Variants in FGD5 observed in about 807,000 individuals in gnomAD.
FGD5 encodes FYVE, RhoGEF and PH domain-containing protein 5.
A neutral mutation model predicts 133.4 loss-of-function variants in FGD5; 28 were observed. The ratio of observed to expected loss-of-function variants is 0.21; its 90% CI spans 0.16 to 0.29. The LOEUF (loss-of-function observed/expected upper bound fraction) is 0.29, where lower values mean the gene tolerates loss of function less well. Ranked by LOEUF, FGD5 falls within the 10% of genes least tolerant of loss-of-function variation. The pLI is 1.00. For synonymous variants in FGD5, 810 were observed against 776.5 expected, an observed-to-expected ratio of 1.04 and a Z score of -0.72; for missense variants, 1,858 against 1,895.2, an observed-to-expected ratio of 0.98 and a Z score of 0.36.
chr3:14,847,785 T>C (rs1623717), intron 1 of FGD5, among the ~76,000 whole-genome samples: 151,076 of 152,358 alleles, frequency 0.99, 74,903 homozygotes, highest in East Asian at 1. Flanking sequence ...CAGTGTGTCA[T>C]GGTCAGCAGA....
intron 1 of FGD5, among the ~76,000 whole-genome samples, chr3:14,863,322 C>T (rs2037436097): frequency 6.6e-6 from 1 of 152,194 alleles, no homozygotes; most frequent in Non-Finnish European, 1.5e-5. Flanking sequence ...AATCAGTCTG[C>T]TGTGTAGAGA....
intron 13 of FGD5, 127 bp from the exon 14 acceptor site, chr3:14,921,791 G>A: frequency 1.3e-6 from 1 of 799,540 alleles, no homozygotes; most frequent in Admixed American, 2.1e-5. Flanking sequence ...CTTCTTTGCT[G>A]GTGGTTCTGG....
intron 1 of FGD5, among the ~76,000 whole-genome samples, chr3:14,823,663 G>A (rs963665399): frequency 6.6e-6 from 1 of 152,196 alleles, no homozygotes; most frequent in African/African-American, 2.4e-5. Flanking sequence ...CAGACTTCTT[G>A]ACTTCTGGAT....
At position 14,922,590 on chromosome 3, in the gene FGD5, G is replaced by A. The variant is rs753480317; in HGVS notation, c.3807+42G>A. The A allele has an allele frequency of 2.7e-5, 42 of 1,547,500 alleles. No individual in the cohort carries two copies. The highest frequency in any genetic ancestry group is 3.6e-5 in the Non-Finnish European group (41 of 1,149,528). ...GGGGTGAGTGTGTGCATGGGGGTGG[G>A]GTGGGGGAAGGGCATGTCCCTGCCC... On this transcript the variant is annotated intron_variant, in intron 15 of 19. Coordinates refer to ENST00000285046, the MANE Select transcript of FGD5 (RefSeq NM_152536.4). The surrounding 1 kb of genome is among the most constrained non-coding windows in gnomAD (Gnocchi z 4.1).
At chr3:14,905,761 A>T (rs2038326247) in intron 9 of FGD5, among the ~76,000 whole-genome samples, 1 of 151,262 alleles carries the variant, frequency 6.6e-6, no homozygotes, top group African/African-American at 2.4e-5. Flanking sequence ...GTCCCTTCTC[A>T]CTGTGGTTTG....
At chr3:14,835,528 A>T (rs185403705) in intron 1 of FGD5, among the ~76,000 whole-genome samples, 63 of 152,108 alleles carry the variant, frequency 4.1e-4, no homozygotes, top group Middle Eastern at 3.4e-3. Context: ...AAAGAAAAGA[A>T]AGCTGCACTA....
In FGD5 at chr3:14,819,807, G is replaced by A; in HGVS notation, c.736G>A (p.Ala246Thr). 1.3e-6 allele frequency: 2 copies of A among 1,588,658 alleles called. No individual in the cohort carries two copies. Among genetic ancestry groups the A allele is most frequent in the East Asian group, 2.3e-5 (1 of 43,896 alleles). Residue 246 changes from alanine (A) to threonine (T), a missense_variant, in exon 1 of 20, where the codon GCT becomes ACT. This residue lies in a region of FGD5 where 1,824 missense variants were observed against 1,848.9 expected (regional missense o/e 0.99). Coordinates refer to ENST00000285046, the MANE Select transcript of FGD5 (RefSeq NM_152536.4). The surrounding 1 kb of genome is among the most constrained non-coding windows in gnomAD (Gnocchi z 4.1). ...GCCCACGGAGGACATGGGACAGGAT[G>A]CTGAGGACACCAGTGAGGAGCCCCC... is the stretch of plus-strand genomic sequence containing the variant. Reference protein sequence around the residue: ...DRPTEDMGQDAEDTSEEPPEK... With the variant: ...DRPTEDMGQDTEDTSEEPPEK...
chr3:14,911,744 C>T (rs553217944), intron 11 of FGD5, among the ~76,000 whole-genome samples: 1 of 148,398 alleles, frequency 6.7e-6, no homozygotes, highest in Non-Finnish European at 1.5e-5. Flanking sequence ...GCAGACAGCC[C>T]ATTGTAAATG....
rs762682479 is a variant in FGD5 at position 14,820,309 on chromosome 3, T to C, written c.1238T>C (p.Val413Ala). The C allele has an allele frequency of 4.4e-6, 7 of 1,607,548 alleles. No individual in the cohort carries two copies. The Admixed American group carries it at 5.0e-5, about 12-fold the overall frequency. Residue 413 changes from valine to alanine, a missense_variant, in exon 1 of 20, where the codon GTG (valine) becomes GCG (alanine). Around this residue, in one of 3 missense-constraint regions of FGD5, gnomAD observed 1,824 missense variants for 1,848.9 expected, o/e 0.99. Coordinates refer to ENST00000285046, the MANE Select transcript of FGD5 (RefSeq NM_152536.4). ...GAAEGPAAPD[V>A]VVVLEEEALD... ...GCCGAGGGTCCCGCAGCCCCTGATG[T>C]GGTGGTCGTGCTGGAGGAGGAGGCC...
At chr3:14,915,471 C>T (rs924451708) in intron 11 of FGD5, among the ~76,000 whole-genome samples, 7 of 152,348 alleles carry the variant, frequency 4.6e-5, no homozygotes, top group African/African-American at 1.4e-4. Context: ...TGCCTTGGTT[C>T]ACACTGGTGC....
At chr3:14,888,541 AGATATG>A (rs1379640951) in intron 4 of FGD5, among the ~76,000 whole-genome samples, 1 of 152,268 alleles carries the variant, frequency 6.6e-6, no homozygotes, top group East Asian at 1.9e-4. Context: ...AAATTAAACT[AGATATG>A]GATATATTTC....
chr3:14,927,242 G>T (rs112220040), intron 18 of FGD5, among the ~76,000 whole-genome samples: 1 of 152,222 alleles, frequency 6.6e-6, no homozygotes, highest in Non-Finnish European at 1.5e-5. Context: ...GTGTCCACAG[G>T]TGGGGTCTTC....
intron 18 of FGD5, chr3:14,930,677 T>C (rs1217167940): frequency 6.6e-6 from 1 of 152,230 alleles, no homozygotes; most frequent in African/African-American, 2.4e-5. Context: ...ATGATAGGGA[T>C]TATGGAATCT....
At chr3:14,841,078 T>C (rs1390923065) in intron 1 of FGD5, among the ~76,000 whole-genome samples, 2 of 152,198 alleles carry the variant, frequency 1.3e-5, no homozygotes, top group Admixed American at 1.3e-4. Flanking sequence ...ATTTGGCTGT[T>C]TTGTAAAGAA....
chr3:14,931,892 A>G (rs929761239), intron 18 of FGD5: 2 of 152,142 alleles, frequency 1.3e-5, no homozygotes, highest in Admixed American at 6.5e-5. Context: ...CATGAGTGCA[A>G]ATTCTGGATC....
intron 4 of FGD5, among the ~76,000 whole-genome samples, chr3:14,887,552 A>G (rs2037947786): frequency 6.6e-6 from 1 of 152,104 alleles, no homozygotes; most frequent in Admixed American, 6.6e-5. Context: ...CCCTAAAAAA[A>G]AAAAATTAAA....
chr3:14,863,705 C>T (rs1575215904), intron 1 of FGD5, among the ~76,000 whole-genome samples: 1 of 152,222 alleles, frequency 6.6e-6, no homozygotes, highest in Non-Finnish European at 1.5e-5. Flanking sequence ...GGGGCTGGAA[C>T]ACACGTCCTG....
chr3:14,856,236 C>T (rs1304085365), intron 1 of FGD5, among the ~76,000 whole-genome samples: 1 of 152,116 alleles, frequency 6.6e-6, no homozygotes, highest in Non-Finnish European at 1.5e-5. Context: ...TTCTGTGTGT[C>T]TGTTTTTATT....
At chr3:14,837,791 G>T (rs1027378370) in intron 1 of FGD5, among the ~76,000 whole-genome samples, 7 of 152,220 alleles carry the variant, frequency 4.6e-5, no homozygotes, top group African/African-American at 1.7e-4. Context: ...GCCTCTTGCT[G>T]TGTAGCCTTT....
Sources: gnomAD v4.1 joint callset for allele counts (sites outside exome capture counted in the v4.1 genomes callset) on GRCh38, gnomAD v4.1.1 for gene constraint, gnomAD v4.1.1 regional missense constraint, Gnocchi (gnomAD v3.1) non-coding constraint, MANE v1.5 for transcripts, NCBI Gene and HGNC (gene_info 2026-07-23, HGNC 2026-07-21) for gene names.